CDH13: variants seen among roughly 807,000 people sequenced by gnomAD.
CDH13 encodes the protein cadherin-13.
CDH13 carries 24 observed loss-of-function variants against 63.8 expected under a neutral mutation model. That is an observed-to-expected ratio of 0.38 (90% CI 0.27 to 0.53). The LOEUF (loss-of-function observed/expected upper bound fraction) is 0.53. Ranked by LOEUF, CDH13 falls within the 20% of genes least tolerant of loss-of-function variation. The probability of loss-of-function intolerance (pLI) is 0.85; values close to 1 mark genes in which losing one functional copy is unlikely to be tolerated. For missense variants in CDH13, 1,049 were observed against 903.1 expected (o/e 1.16, Z -2.07); for synonymous variants, 503 against 355.3 (o/e 1.42, Z -4.67).
At chr16:83,634,515 C>G (rs11642523) in intron 8 of CDH13, among the ~76,000 whole-genome samples, 148,500 of 151,828 alleles carry the variant, frequency 0.98, 72,715 homozygotes, top group Non-Finnish European at 1. Flanking sequence ...ATTCTCCTGC[C>G]TCAGCCTCCT....
At chr16:83,275,574 A>G (rs1388932390) in intron 5 of CDH13, among the ~76,000 whole-genome samples, 1 of 66,376 alleles carries the variant, frequency 1.5e-5, no homozygotes, top group Admixed American at 1.4e-4. Flanking sequence ...GAGCTCAGAA[A>G]GCGTGTATAG....
chr16:83,142,762 G>A (rs2036587115), intron 4 of CDH13, among the ~76,000 whole-genome samples: 1 of 150,162 alleles, frequency 6.7e-6, no homozygotes, highest in Admixed American at 6.6e-5. Context: ...TTGACTGAAT[G>A]AATGGTCAAA....
At chr16:83,548,962 C>G (rs1422802566) in intron 7 of CDH13, among the ~76,000 whole-genome samples, 1 of 152,184 alleles carries the variant, frequency 6.6e-6, no homozygotes, top group Non-Finnish European at 1.5e-5. Flanking sequence ...TCATTTTCTC[C>G]TTAAGAAAAC....
chr16:83,032,548 C>A (rs1478424534), intron 3 of CDH13, among the ~76,000 whole-genome samples: 1 of 152,236 alleles, frequency 6.6e-6, no homozygotes, highest in Non-Finnish European at 1.5e-5. Flanking sequence ...TGTATTGAGA[C>A]AGTCACATCT....
At chr16:82,815,892 G>A (rs923161419) in intron 1 of CDH13, among the ~76,000 whole-genome samples, 1 of 152,104 alleles carries the variant, frequency 6.6e-6, no homozygotes, top group Non-Finnish European at 1.5e-5. Context: ...TGACTGTTGG[G>A]GAAACGGAAA....
chr16:83,302,218 C>T (rs1448661379), intron 5 of CDH13, among the ~76,000 whole-genome samples: 1 of 152,270 alleles, frequency 6.6e-6, no homozygotes. Flanking sequence ...AAGTCAGAAT[C>T]CCTAATTTTA....
chr16:83,146,347 G>A (rs1490901228), intron 4 of CDH13, among the ~76,000 whole-genome samples: 1 of 152,224 alleles, frequency 6.6e-6, no homozygotes, highest in Non-Finnish European at 1.5e-5. Flanking sequence ...CATGGCTTAT[G>A]CCATGTAGGG....
intron 1 of CDH13, among the ~76,000 whole-genome samples, chr16:82,819,298 G>A (rs1388273715): frequency 6.6e-6 from 1 of 152,204 alleles, no homozygotes; most frequent in Middle Eastern, 3.2e-3. Context: ...TCCAGATAAA[G>A]GAGGTATTGA....
intron 5 of CDH13, among the ~76,000 whole-genome samples, chr16:83,329,045 T>C (rs1230037092): frequency 6.6e-6 from 1 of 152,082 alleles, no homozygotes; most frequent in Non-Finnish European, 1.5e-5. Flanking sequence ...CATTCAGTAA[T>C]AAAATGAGGC....
chr16:82,983,835 G>A (rs1296267846), intron 2 of CDH13, among the ~76,000 whole-genome samples: 1 of 152,182 alleles, frequency 6.6e-6, no homozygotes, highest in Admixed American at 6.5e-5. Flanking sequence ...CTGACTGTAA[G>A]GGGGAAATGG....
chr16:83,064,560 C>T (rs1272530314), intron 3 of CDH13, among the ~76,000 whole-genome samples: 2 of 152,084 alleles, frequency 1.3e-5, no homozygotes, highest in African/African-American at 4.8e-5. Context: ...ATATAATGAT[C>T]ATTCCATCAT....
At chr16:83,465,017 T>G (rs2073273769) in intron 6 of CDH13, among the ~76,000 whole-genome samples, 1 of 152,204 alleles carries the variant, frequency 6.6e-6, no homozygotes, top group Non-Finnish European at 1.5e-5. Flanking sequence ...ACCATTGAAT[T>G]GGATACAGCC....
rs559075237 is a variant in CDH13, at chr16:83,148,125, A to C, written c.483+22624A>C. On this transcript the variant is annotated intron_variant, in intron 4 of 13. Coordinates refer to ENST00000567109, the MANE Select transcript of CDH13 (RefSeq NM_001257.5). ...GCTAATTTTTGTATTTTTAGTAGGC[A>C]CGGGGTTTCACCATTTTGGCCAGGC... 3.5e-4 allele frequency among the ~76,000 whole-genome samples: 53 copies of C among 152,252 alleles called. 1 individual carries two copies. In the Middle Eastern group the frequency reaches 0.01, roughly 29 times the overall value.
At position 83,670,870 on chromosome 16, in the gene CDH13, T is replaced by A; in HGVS notation, c.1182T>A (p.Gly394=). The part of the protein sequence containing the change: ...TVEDKDDPTT[G]AWRAAYTIIN... ...AAGATAAGGATGACCCCACCACAGGTGCATGGAGGGCTGCCTACACCATCA... is the reference window on the plus strand; with the variant it reads ...AAGATAAGGATGACCCCACCACAGGAGCATGGAGGGCTGCCTACACCATCA... The change falls in exon 9 of 14, where the codon GGT becomes GGA. Residue 394 remains glycine (G), a synonymous_variant. Transcript: ENST00000567109. 6.2e-7 allele frequency: 1 copy of A among 1,613,774 alleles called. No individual in the cohort carries two copies. Among genetic ancestry groups the A allele is most frequent in the South Asian group, 1.1e-5 (1 of 91,078 alleles).
intron 6 of CDH13, among the ~76,000 whole-genome samples, chr16:83,424,396 C>G (rs552992138): frequency 1.3e-5 from 2 of 152,330 alleles, no homozygotes; most frequent in South Asian, 4.1e-4. Flanking sequence ...AGAGTTTAAT[C>G]ACACAAGCAG....
At chr16:83,657,483 T>TA (rs1348486167) in intron 8 of CDH13, among the ~76,000 whole-genome samples, 4 of 152,196 alleles carry the variant, frequency 2.6e-5, no homozygotes, top group Non-Finnish European at 4.4e-5. Flanking sequence ...ACTTTAGACA[T>TA]AAAGTTCATC....
chr16:82,999,056 C>A (rs951581498), intron 2 of CDH13, among the ~76,000 whole-genome samples: 2 of 152,154 alleles, frequency 1.3e-5, no homozygotes, highest in Non-Finnish European at 2.9e-5. Context: ...GTTCCATCAG[C>A]AGAAACTTTC....
At chr16:83,107,206 G>T (rs1418886842) in intron 3 of CDH13, among the ~76,000 whole-genome samples, 1 of 152,138 alleles carries the variant, frequency 6.6e-6, no homozygotes, top group Non-Finnish European at 1.5e-5. Context: ...ACTGCAGGGG[G>T]TTGGCCAGGC....
intron 1 of CDH13, among the ~76,000 whole-genome samples, chr16:82,808,924 G>A (rs2037298094): frequency 6.6e-6 from 1 of 152,050 alleles, no homozygotes; most frequent in Non-Finnish European, 1.5e-5. Context: ...CTGCCCTCAT[G>A]TTTACACATA....
Sources: allele counts gnomAD v4.1 joint callset (sites outside exome capture counted in the v4.1 genomes callset), GRCh38; gene constraint gnomAD v4.1.1; transcripts MANE v1.5; gene names NCBI Gene and HGNC (gene_info 2026-07-23, HGNC 2026-07-21).